Variants in ARMC1 observed in about 807,000 individuals in gnomAD.
ARMC1 encodes armadillo repeat-containing protein 1.
In ARMC1, 16 loss-of-function variants were observed where a neutral mutation model predicts 31.4. The observed-to-expected ratio is 0.51, with a 90% confidence interval of 0.34 to 0.77. The LOEUF (loss-of-function observed/expected upper bound fraction) is 0.77. Among genes scored for constraint, ARMC1 ranks in the 30% least tolerant of loss-of-function variants. The pLI, the probability that ARMC1 is intolerant of heterozygous loss-of-function variation, is 0.01. For missense variants in ARMC1, 259 were observed against 347.5 expected, an observed-to-expected ratio of 0.75 and a Z score of 2.02; for synonymous variants, 114 against 118.9, an observed-to-expected ratio of 0.96 and a Z score of 0.27.
rs753715249 is a variant in ARMC1 at position 65,604,583 on chromosome 8, C to T, written c.660G>A (p.Met220Ile). Residue 220 changes from methionine to isoleucine, a missense_variant and splice_region_variant, in exon 7 of 7, where the codon ATG (methionine) becomes ATA (isoleucine). Around this residue, in one of 3 missense-constraint regions of ARMC1, gnomAD observed 73 missense variants for 100.0 expected, o/e 0.73. Coordinates refer to ENST00000276569, the MANE Select transcript of ARMC1 (RefSeq NM_018120.6). ...QVVKSESGEE[M>I]LVPFQDTPVE... is the part of the protein sequence containing the mutation. Reference sequence around the variant, plus strand: ...CAGGAGTATCTTGGAATGGGACCAACATCTGATACAGAAAATATTGAGAGT... The same window carrying T: ...CAGGAGTATCTTGGAATGGGACCAATATCTGATACAGAAAATATTGAGAGT... 1.5e-5 allele frequency: 24 copies of T among 1,611,616 alleles called. No homozygotes were observed. The Admixed American group carries it at 3.2e-4, about 21-fold the overall frequency.
At chr8:65,618,856 ATG>A (rs1157729864) in intron 3 of ARMC1, among the ~76,000 whole-genome samples, 1 of 151,960 alleles carries the variant, frequency 6.6e-6, no homozygotes. Flanking sequence ...ATCCTGACTA[ATG>A]CAGTGAAACC....
intron 3 of ARMC1, among the ~76,000 whole-genome samples, chr8:65,620,799 T>TTAAAAAAAAAAAA (rs1554541587): frequency 1.4e-5 from 2 of 139,144 alleles, no homozygotes; most frequent in Non-Finnish European, 3.0e-5. Context: ...TAGTTCCATT[T>TTAAAAAAAAAAAA]AAAAAAAAAC....
chr8:65,604,851 G>GAACC (rs1807968943), intron 6 of ARMC1, among the ~76,000 whole-genome samples: 1 of 152,114 alleles, frequency 6.6e-6, no homozygotes, highest in African/African-American at 2.4e-5. Context: ...GATAGCCATG[G>GAACC]AACCTCCCAT....
In ARMC1 at chr8:65,633,188, T is replaced by C. The variant is rs554224587; in HGVS notation, c.-36+810A>G. 3.3e-5 allele frequency among the ~76,000 whole-genome samples: 5 copies of C among 152,350 alleles called. No individual in the cohort carries two copies. In the South Asian group the frequency reaches 1.0e-3, roughly 32 times the overall value. On this transcript the variant is annotated intron_variant, in intron 1 of 6. Transcript: ENST00000276569. ...CTTCTCGTACAGTCAAGATTCACCA[T>C]TCAATTCAAAGATTTAATTCTCACA...
chr8:65,608,722 A>G (rs1405661552), intron 4 of ARMC1, among the ~76,000 whole-genome samples: 1 of 151,686 alleles, frequency 6.6e-6, no homozygotes, highest in Non-Finnish European at 1.5e-5. Flanking sequence ...AGACTGGCCA[A>G]TATAGTGAAA....
At chr8:65,631,089 G>A (rs958311043) in intron 1 of ARMC1, among the ~76,000 whole-genome samples, 1 of 152,172 alleles carries the variant, frequency 6.6e-6, no homozygotes, top group African/African-American at 2.4e-5. Flanking sequence ...AAGAAAAGCT[G>A]ACAGAAGCTG....
At chr8:65,631,883 TAAAA>T (rs61273646) in intron 1 of ARMC1, among the ~76,000 whole-genome samples, 2 of 140,070 alleles carry the variant, frequency 1.4e-5, no homozygotes, top group Non-Finnish European at 1.5e-5. Flanking sequence ...CCCTGTCTCT[TAAAA>T]AAAAAAAAAA....
chr8:65,617,676 A>C (rs1808300982), intron 3 of ARMC1, among the ~76,000 whole-genome samples: 1 of 152,004 alleles, frequency 6.6e-6, no homozygotes. Context: ...AACAACACAC[A>C]CTGGGAACGA....
In ARMC1 at chr8:65,627,224, C is replaced by T. The variant is rs763773660; in HGVS notation, c.175G>A (p.Ala59Thr). The part of the protein sequence containing the change: ...DHPNPPVVHS[A>T]LLALRYLAEC... ...TACTAAAGGCAACTTACAAGCAAAG[C>T]GGAGTGGACGACTGGAGGGTTGGGA... The change falls in exon 2 of 7, where the codon GCT (alanine) becomes ACT (threonine). Residue 59 changes from alanine (A) to threonine (T), a missense_variant. By Grantham distance (58) the Ala-to-Thr change is moderately conservative (BLOSUM62 0). Around this residue, in one of 3 missense-constraint regions of ARMC1, gnomAD observed 163 missense variants for 186.7 expected, o/e 0.87. Coordinates refer to ENST00000276569, the MANE Select transcript of ARMC1 (RefSeq NM_018120.6). The T allele has an allele frequency of 1.9e-5, 30 of 1,562,568 alleles. No individual in the cohort carries two copies. The highest frequency in any genetic ancestry group is 2.3e-5 in the Non-Finnish European group (27 of 1,151,418).
rs183991166 is a variant in ARMC1, at chr8:65,605,592, T to C, written c.466-54A>G. ...AAATAGGTAAATAAAAGGTAATAAA[T>C]CAGTGAAAACCAAGCTATATTTTGG... is the stretch of plus-strand genomic sequence containing the variant. On this transcript the variant is annotated intron_variant, in intron 4 of 6. Coordinates refer to ENST00000276569, the MANE Select transcript of ARMC1 (RefSeq NM_018120.6). 5 of 1,306,264 alleles carry C rather than the reference T, an allele frequency of 3.8e-6. No homozygotes were observed. In the African/African-American group the frequency reaches 4.4e-5, roughly 11 times the overall value. The allele number at this position is 1,306,264 out of a possible 1,614,324, so 80.9% of individuals were successfully genotyped here.
Position 65,617,232 on chromosome 8 carries a change from T to C in ARMC1, c.276-3799A>G, listed in dbSNP as rs570033479. Among the ~76,000 whole-genome samples the C allele has an allele frequency of 1.5e-3, 235 of 152,346 alleles. 3 individuals are homozygous for C. Among genetic ancestry groups the C allele is most frequent in the South Asian group, 8.7e-3 (42 of 4,824 alleles). On this transcript the variant is annotated intron_variant, in intron 3 of 6. Transcript: ENST00000276569. Reference sequence around the variant, plus strand: ...AAATCAGATTGTTGCTGTGTCTGTGTAGAAAGAAGTAGACATAGGAGACTC... The same window carrying C: ...AAATCAGATTGTTGCTGTGTCTGTGCAGAAAGAAGTAGACATAGGAGACTC...
chr8:65,604,667 T>A, intron 6 of ARMC1, 82 bp from the exon 7 acceptor site: 1 of 1,312,322 alleles, frequency 7.6e-7, no homozygotes, highest in Non-Finnish European at 1.1e-6. Context: ...CAGGGTAAAT[T>A]TTCCTCTTAC....
chr8:65,610,074 A>G (rs1468422068), intron 4 of ARMC1, among the ~76,000 whole-genome samples: 1 of 148,574 alleles, frequency 6.7e-6, no homozygotes, highest in Non-Finnish European at 1.5e-5. Context: ...TCTAGAATTA[A>G]ACAACTAAAA....
chr8:65,632,552 G>T (rs1246598106), intron 1 of ARMC1, among the ~76,000 whole-genome samples: 1 of 152,110 alleles, frequency 6.6e-6, no homozygotes, highest in Non-Finnish European at 1.5e-5. Context: ...GGCGGAACTT[G>T]CAGTGAGCCG....
intron 1 of ARMC1, among the ~76,000 whole-genome samples, chr8:65,630,673 G>C (rs1338419330): frequency 6.6e-6 from 1 of 152,090 alleles, no homozygotes; most frequent in Non-Finnish European, 1.5e-5. Context: ...ACAAAAATTA[G>C]CTGGGCATGG....
intron 3 of ARMC1, among the ~76,000 whole-genome samples, chr8:65,615,221 G>C (rs564936029): frequency 1.3e-5 from 2 of 152,162 alleles, no homozygotes; most frequent in Admixed American, 1.3e-4. Flanking sequence ...CTTTAGCCGT[G>C]TGTTACAGAA....
At chr8:65,614,560 A>T (rs935160315) in intron 3 of ARMC1, among the ~76,000 whole-genome samples, 5 of 152,168 alleles carry the variant, frequency 3.3e-5, no homozygotes, top group Admixed American at 2.6e-4. Flanking sequence ...AAGAATCCTC[A>T]TTTCACCTAT....
chr8:65,623,749 T>C (rs1808449464), intron 2 of ARMC1, among the ~76,000 whole-genome samples: 1 of 142,494 alleles, frequency 7.0e-6, no homozygotes, highest in East Asian at 2.1e-4. Flanking sequence ...GTTTTCTTAT[T>C]AGAAACCGTA....
At chr8:65,618,941 A>G (rs1227164262) in intron 3 of ARMC1, among the ~76,000 whole-genome samples, 4 of 151,466 alleles carry the variant, frequency 2.6e-5, no homozygotes, top group Non-Finnish European at 5.9e-5. Context: ...TTCTTGGGAG[A>G]CTGAGGCAGG....
Sources: allele counts gnomAD v4.1 joint callset (sites outside exome capture counted in the v4.1 genomes callset), GRCh38; gene constraint gnomAD v4.1.1; regional missense constraint gnomAD v4.1.1; transcripts MANE v1.5; gene names NCBI Gene and HGNC (gene_info 2026-07-23, HGNC 2026-07-21).